Variants in PPP3CA observed in about 807,000 individuals in gnomAD.
PPP3CA encodes the protein protein phosphatase 3 catalytic subunit alpha, also known as CAM-PRP catalytic subunit.
A neutral mutation model predicts 66.5 loss-of-function variants in PPP3CA; 14 were observed. That is an observed-to-expected ratio of 0.21 (90% CI 0.14 to 0.33). The LOEUF (loss-of-function observed/expected upper bound fraction) is 0.33, where lower values mean the gene tolerates loss of function less well. Ranked by LOEUF, PPP3CA falls within the 10% of genes least tolerant of loss-of-function variation. PPP3CA has a pLI of 1.00. For missense variants in PPP3CA, 317 were observed against 639.5 expected (o/e 0.50, Z 5.44); for synonymous variants, 232 against 226.2 (o/e 1.03, Z -0.23).
intron 11 of PPP3CA, among the ~76,000 whole-genome samples, chr4:101,035,654 C>G (rs528138991): frequency 6.6e-6 from 1 of 150,894 alleles, no homozygotes; most frequent in South Asian, 2.1e-4. Flanking sequence ...GGTCATTTTC[C>G]TTCCTTCCTT....
chr4:101,329,862 GA>G (rs567176723), intron 1 of PPP3CA, among the ~76,000 whole-genome samples: 16,508 of 145,238 alleles, frequency 0.11, 2,969 homozygotes, highest in African/African-American at 0.38. Context: ...ACTGCTCAGG[GA>G]AAAAAAAAAA....
At chr4:101,174,804 C>A (rs1724005082) in intron 2 of PPP3CA, among the ~76,000 whole-genome samples, 1 of 152,114 alleles carries the variant, frequency 6.6e-6, no homozygotes. Context: ...ACACAAATAC[C>A]ACTTACTATA....
intron 1 of PPP3CA, among the ~76,000 whole-genome samples, chr4:101,253,870 T>C (rs1560682520): frequency 2.6e-5 from 4 of 151,986 alleles, no homozygotes; most frequent in African/African-American, 9.7e-5. Context: ...AAAGTAGAAA[T>C]TGATTCCAGT....
At chr4:101,150,548 G>A (rs555429401) in intron 2 of PPP3CA, among the ~76,000 whole-genome samples, 5 of 152,174 alleles carry the variant, frequency 3.3e-5, no homozygotes, top group Non-Finnish European at 7.4e-5. Context: ...TTTATGTAAT[G>A]ATTGGTATCA....
At chr4:101,065,217 C>T (rs1471567862) in intron 8 of PPP3CA, among the ~76,000 whole-genome samples, 1 of 151,830 alleles carries the variant, frequency 6.6e-6, no homozygotes, top group African/African-American at 2.4e-5. Flanking sequence ...TTTTGATCTT[C>T]AGTATGAAAA....
chr4:101,305,978 A>G (rs1728524092), intron 1 of PPP3CA, among the ~76,000 whole-genome samples: 1 of 147,772 alleles, frequency 6.8e-6, no homozygotes, highest in Admixed American at 6.8e-5. Context: ...GAAGTAGGAG[A>G]TTTTTTTTTT....
intron 2 of PPP3CA, among the ~76,000 whole-genome samples, chr4:101,142,119 A>T (rs1231314912): frequency 1.3e-5 from 2 of 152,176 alleles, no homozygotes; most frequent in Non-Finnish European, 2.9e-5. Flanking sequence ...AAAATAATAC[A>T]TAATACAATT....
At chr4:101,050,832 C>T (rs1727977019) in intron 10 of PPP3CA, among the ~76,000 whole-genome samples, 1 of 152,152 alleles carries the variant, frequency 6.6e-6, no homozygotes, top group Non-Finnish European at 1.5e-5. Context: ...TTGTAAAATG[C>T]TTGGTATTAT....
chr4:101,204,397 G>A (rs1425036932), intron 1 of PPP3CA, among the ~76,000 whole-genome samples: 1 of 152,042 alleles, frequency 6.6e-6, no homozygotes, highest in Non-Finnish European at 1.5e-5. Context: ...AGCACTTTGG[G>A]AGGCCCAAGC....
At chr4:101,259,351 T>G (rs201296122) in intron 1 of PPP3CA, among the ~76,000 whole-genome samples, 23 of 83,166 alleles carry the variant, frequency 2.8e-4, no homozygotes, top group Non-Finnish European at 6.1e-4. Flanking sequence ...ATTCATTCAT[T>G]CAGCAAGCAA....
chr4:101,102,977 T>C (rs1730514622), intron 3 of PPP3CA, among the ~76,000 whole-genome samples: 1 of 152,214 alleles, frequency 6.6e-6, no homozygotes, highest in Admixed American at 6.5e-5. Flanking sequence ...TTAGTTTAGG[T>C]TACTCAATAT....
intron 11 of PPP3CA, among the ~76,000 whole-genome samples, chr4:101,034,636 A>G (rs1727160745): frequency 6.6e-6 from 1 of 152,186 alleles, no homozygotes; most frequent in Admixed American, 6.5e-5. Flanking sequence ...CAAAAATAAA[A>G]CAGTAAAAGT....
chr4:101,156,773 T>C (rs1453948437), intron 2 of PPP3CA, among the ~76,000 whole-genome samples: 1 of 152,128 alleles, frequency 6.6e-6, no homozygotes, highest in African/African-American at 2.4e-5. Context: ...GAACAGGAGA[T>C]AGGTATGGGC....
chr4:101,246,576 TTAAAG>T (rs1726486508), intron 1 of PPP3CA, among the ~76,000 whole-genome samples: 1 of 152,134 alleles, frequency 6.6e-6, no homozygotes, highest in East Asian at 1.9e-4. Context: ...GCTATATAGG[TTAAAG>T]TATTTATTTT....
intron 2 of PPP3CA, among the ~76,000 whole-genome samples, chr4:101,190,976 T>C (rs1464591906): frequency 3.3e-5 from 5 of 152,188 alleles, no homozygotes; most frequent in Non-Finnish European, 7.3e-5. Context: ...AACCCTACAA[T>C]GCAGAAGTAG....
intron 1 of PPP3CA, among the ~76,000 whole-genome samples, chr4:101,321,880 G>C (rs767641122): frequency 6.6e-6 from 1 of 152,242 alleles, no homozygotes; most frequent in East Asian, 1.9e-4. Flanking sequence ...AAAACAAGCC[G>C]ACCAAAAAGG....
chr4:101,128,016 T>G (rs1722300809), intron 2 of PPP3CA, among the ~76,000 whole-genome samples: 1 of 152,178 alleles, frequency 6.6e-6, no homozygotes, highest in Non-Finnish European at 1.5e-5. Flanking sequence ...ACTACATCTC[T>G]GATGTACATA....
At chr4:101,156,518 T>G (rs192247762) in intron 2 of PPP3CA, among the ~76,000 whole-genome samples, 225 of 152,146 alleles carry the variant, frequency 1.5e-3, no homozygotes, top group Middle Eastern at 6.8e-3. Context: ...CCGTCTCTAC[T>G]AAAAATACAA....
Position 101,274,078 on chromosome 4 carries a change from G to A in PPP3CA, c.58+72661C>T, listed in dbSNP as rs563813841. On this transcript the variant is annotated intron_variant, in intron 1 of 13. Coordinates refer to ENST00000394854, the MANE Select transcript of PPP3CA (RefSeq NM_000944.5). ...CCCAGCACTTTGGGAGGCCAAGGCG[G>A]GTGATCACCTGAGGTCAGGAGTTCA... 2.6e-5 allele frequency among the ~76,000 whole-genome samples: 4 copies of A among 152,266 alleles called. No individual in the cohort carries two copies. The South Asian group carries it at 6.2e-4, about 24-fold the overall frequency.
Sources: gnomAD v4.1 joint callset for allele counts (sites outside exome capture counted in the v4.1 genomes callset) on GRCh38, gnomAD v4.1.1 for gene constraint, MANE v1.5 for transcripts, NCBI Gene and HGNC (gene_info 2026-07-23, HGNC 2026-07-21) for gene names.